The following POLN variants were observed in gnomAD, a reference collection of about 807,000 sequenced individuals.
POLN encodes DNA polymerase nu.
Under a neutral mutation model 113.5 loss-of-function variants are expected in POLN, and 108 were observed. The ratio of observed to expected loss-of-function variants is 0.95; its 90% CI spans 0.81 to 1.12. The LOEUF is 1.12. Ranked by LOEUF, POLN falls within the 50% of genes most tolerant of loss-of-function variation. The pLI is 0.00. For synonymous variants in POLN, 386 were observed against 391.5 expected (o/e 0.99, Z 0.17); for missense variants, 1,097 against 1,077.1 (o/e 1.02, Z -0.26).
At chr4:2,074,082 T>C (rs113608998) in intron 24 of POLN, among the ~76,000 whole-genome samples, 1 of 152,238 alleles carries the variant, frequency 6.6e-6, no homozygotes, top group African/African-American at 2.4e-5. Context: ...CTACCCTGAG[T>C]ATGCAGAGAA....
intron 15 of POLN, among the ~76,000 whole-genome samples, chr4:2,157,560 A>C: frequency 6.6e-6 from 1 of 151,936 alleles, no homozygotes; most frequent in African/African-American, 2.4e-5. Context: ...CCTGTCTACT[A>C]AAAATAGCAA....
chr4:2,159,138 CA>C lies in POLN; in HGVS notation c.1611+16del. 2.5e-6 allele frequency: 4 copies of C among 1,580,434 alleles called. No homozygotes were observed. The highest frequency in any genetic ancestry group is 1.1e-5 in the South Asian group (1 of 90,078). ...CTCATCACCTTTTACCTTTTACGTACAAAAAAATTAACTTACCTGCCTGTAT... is the reference window on the plus strand; with the variant it reads ...CTCATCACCTTTTACCTTTTACGTACAAAAAATTAACTTACCTGCCTGTAT... On this transcript the variant is annotated intron_variant, in intron 14 of 25. Transcript: ENST00000511885.
chr4:2,156,522 G>T (rs58176963), intron 16 of POLN: 3 of 581,040 alleles, frequency 5.2e-6, no homozygotes, highest in Non-Finnish European at 9.6e-6. Flanking sequence ...GATGGGGTAC[G>T]GGTGTCCTTT....
At chr4:2,229,572 C>T (rs1049122780) in intron 2 of POLN, 6 of 166,188 alleles carry the variant, frequency 3.6e-5, no homozygotes, top group Admixed American at 1.9e-4. Flanking sequence ...TGCCTGTGAT[C>T]CCTGCACTTT....
intron 1 of POLN, 124 bp from the exon 2 acceptor site, chr4:2,241,914 C>T (rs754958122): frequency 4.1e-6 from 4 of 985,390 alleles, no homozygotes; most frequent in Non-Finnish European, 4.8e-6. Flanking sequence ...CCCTGATCCC[C>T]GGGCAGCTGC....
At chr4:2,095,521 G>C (rs1730767450) in intron 20 of POLN, among the ~76,000 whole-genome samples, 1 of 152,208 alleles carries the variant, frequency 6.6e-6, no homozygotes, top group African/African-American at 2.4e-5. Flanking sequence ...ATAATGCCTT[G>C]GCATGTGTGT....
At chr4:2,155,636 C>T (rs1422698195) in intron 16 of POLN, among the ~76,000 whole-genome samples, 1 of 152,090 alleles carries the variant, frequency 6.6e-6, no homozygotes, top group Non-Finnish European at 1.5e-5. Context: ...TGTAAACCTC[C>T]ACATACTTGT....
At chr4:2,226,791 A>G (rs149896089) in intron 3 of POLN, among the ~76,000 whole-genome samples, 4 of 152,354 alleles carry the variant, frequency 2.6e-5, no homozygotes, top group African/African-American at 9.6e-5. Flanking sequence ...TTGAAATTCC[A>G]TATTTATTTG....
At position 2,130,525 on chromosome 4, in the gene POLN, AAAAG is replaced by A. The variant is rs549332942; in HGVS notation, c.1789+704_1789+707del. Among the ~76,000 whole-genome samples the A allele has an allele frequency of 1.5e-4, 23 of 152,346 alleles. No individual in the cohort carries two copies. In the South Asian group the frequency reaches 4.8e-3, roughly 32 times the overall value. On this transcript the variant is annotated intron_variant, in intron 17 of 25. Coordinates refer to ENST00000511885, the MANE Select transcript of POLN (RefSeq NM_181808.4). ...CATCAGCATCACAGCAGAATAGCTT[AAAAG>A]AAAGAAGAGTGTTCATGTGCTTTTT...
intron 11 of POLN, among the ~76,000 whole-genome samples, chr4:2,171,989 A>T (rs1033807099): frequency 4.6e-5 from 7 of 152,216 alleles, no homozygotes; most frequent in African/African-American, 1.4e-4. Flanking sequence ...ACAGGCTTGT[A>T]TCCAGAATAC....
At chr4:2,179,625 T>C (rs1461744635) in intron 7 of POLN, among the ~76,000 whole-genome samples, 160 bp from the exon 8 acceptor site, 1 of 152,194 alleles carries the variant, frequency 6.6e-6, no homozygotes, top group East Asian at 1.9e-4. Context: ...CTCCAGAATT[T>C]AGAACCCTTG....
chr4:2,138,159 A>G (rs472972), intron 16 of POLN, among the ~76,000 whole-genome samples: 112,382 of 152,094 alleles, frequency 0.74, 45,249 homozygotes, highest in Non-Finnish European at 0.9. Flanking sequence ...TGACCCATAC[A>G]GTGCAAGCAC....
chr4:2,114,718 T>C (rs1051547140), intron 19 of POLN, among the ~76,000 whole-genome samples: 1 of 152,198 alleles, frequency 6.6e-6, no homozygotes, highest in African/African-American at 2.4e-5. Context: ...ATGTGTTGTG[T>C]TCTTTGCATT....
chr4:2,080,715 TG>T, intron 23 of POLN: 1 of 1,402,754 alleles, frequency 7.1e-7, no homozygotes, highest in Non-Finnish European at 9.3e-7. Flanking sequence ...AGGAGGGGTC[TG>T]GGGGAGACAG....
intron 4 of POLN, 39 bp downstream of exon 4, chr4:2,213,008 G>A (rs768918781): frequency 7.1e-7 from 1 of 1,416,532 alleles, no homozygotes; most frequent in Non-Finnish European, 9.8e-7. Flanking sequence ...GAACAAATAA[G>A]TTATCTATTT....
chr4:2,234,604 TTAAC>T (rs1304166700), intron 2 of POLN: 5 of 152,346 alleles, frequency 3.3e-5, no homozygotes, highest in African/African-American at 7.2e-5. Context: ...GAATCAGGAC[TTAAC>T]TAATAACAAA....
chr4:2,162,304 A>G (rs1732617623), intron 13 of POLN, among the ~76,000 whole-genome samples: 1 of 152,142 alleles, frequency 6.6e-6, no homozygotes, highest in African/African-American at 2.4e-5. Context: ...CGCCGCCTTA[A>G]GAGCTGTAAC....
At chr4:2,231,284 C>A (rs966219113) in intron 2 of POLN, 2 of 152,204 alleles carry the variant, frequency 1.3e-5, no homozygotes, top group African/African-American at 2.4e-5. Flanking sequence ...AAAATGCTGA[C>A]TAGAAGTTCT....
intron 7 of POLN, among the ~76,000 whole-genome samples, chr4:2,181,268 C>T (rs1197369786): frequency 3.3e-5 from 5 of 152,060 alleles, no homozygotes; most frequent in Admixed American, 3.3e-4. Flanking sequence ...CCTCAGCCTC[C>T]CGAGTAGCTG....
Sources: gnomAD v4.1 joint callset for allele counts (sites outside exome capture counted in the v4.1 genomes callset) on GRCh38, gnomAD v4.1.1 for gene constraint, MANE v1.5 for transcripts, NCBI Gene and HGNC (gene_info 2026-07-23, HGNC 2026-07-21) for gene names.